DAAM2: variants seen among roughly 807,000 people sequenced by gnomAD.
The protein encoded by DAAM2 is dishevelled associated activator of morphogenesis 2.
In DAAM2, 39 loss-of-function variants were observed where a neutral mutation model predicts 120.7. The observed-to-expected ratio is 0.32, with a 90% confidence interval of 0.25 to 0.42. The LOEUF is 0.42. Ranked by LOEUF, DAAM2 falls within the 10% of genes least tolerant of loss-of-function variation. DAAM2 has a pLI of 1.00. For synonymous variants in DAAM2, 488 were observed against 524.9 expected, an observed-to-expected ratio of 0.93 and a Z score of 0.96; for missense variants, 1,283 against 1,401.7, an observed-to-expected ratio of 0.92 and a Z score of 1.35.
intron 1 of DAAM2, among the ~76,000 whole-genome samples, chr6:39,798,972 G>A (rs986570045): frequency 2.0e-5 from 3 of 152,098 alleles, no homozygotes; most frequent in African/African-American, 4.8e-5. Context: ...TAGAATCGAC[G>A]CCTGGAAGCC....
At chr6:39,818,778 T>C (rs371289804) in intron 1 of DAAM2, 10 of 152,220 alleles carry the variant, frequency 6.6e-5, no homozygotes, top group East Asian at 3.8e-4. Flanking sequence ...GGTTCCTTTT[T>C]CTTGCTTGGA....
In DAAM2 at chr6:39,904,605, G is replaced by C. The variant is rs1291765153; in HGVS notation, c.*2568G>C. On this transcript the variant is annotated 3_prime_UTR_variant, in exon 25 of 25. Transcript: ENST00000274867. ...AATAAAGTGTTTAGGGCAGTGGGAG[G>C]AGAAAATTCTCCAGGTGAATGGGGA... 8.8e-6 allele frequency: 4 copies of C among 454,166 alleles called. No individual in the cohort carries two copies. The East Asian group carries it at 2.8e-4, about 32-fold the overall frequency. 28.1% of individuals were successfully genotyped at this position (454,166 alleles called of 1,614,324 possible). A position where few individuals can be genotyped will look rare whatever the true frequency, so the allele number is the denominator to read the frequency against.
chr6:39,794,163 A>C (rs1000284060), intron 1 of DAAM2, among the ~76,000 whole-genome samples: 11 of 152,210 alleles, frequency 7.2e-5, no homozygotes, highest in Non-Finnish European at 1.2e-4. Context: ...ATCATCCCAT[A>C]GGCAATGTAA....
chr6:39,843,858 A>G (rs1763457937), intron 1 of DAAM2, among the ~76,000 whole-genome samples: 1 of 152,112 alleles, frequency 6.6e-6, no homozygotes, highest in African/African-American at 2.4e-5. Context: ...TGGGAAGTGC[A>G]CCATAGGAGG....
chr6:39,825,669 TG>T (rs1397539674), intron 1 of DAAM2, among the ~76,000 whole-genome samples: 2 of 152,024 alleles, frequency 1.3e-5, no homozygotes, highest in Non-Finnish European at 2.9e-5. Context: ...CAGGTGGGAA[TG>T]GGGGGAGTCA....
intron 14 of DAAM2, chr6:39,883,747 G>A (rs1010773926): frequency 8.6e-5 from 46 of 532,468 alleles, no homozygotes; most frequent in Non-Finnish European, 1.4e-4. Flanking sequence ...CCATGCACAA[G>A]GGAGGAAAAG....
intron 11 of DAAM2, among the ~76,000 whole-genome samples, chr6:39,875,810 C>G (rs562372304): frequency 4.8e-4 from 73 of 152,274 alleles, no homozygotes; most frequent in African/African-American, 1.5e-3. Context: ...GGCATGTTCT[C>G]AACTCTCCAC....
At chr6:39,871,611 G>A (rs1764666442) in intron 9 of DAAM2, 39 bp downstream of exon 9, 6 of 1,535,402 alleles carry the variant, frequency 3.9e-6, no homozygotes, top group African/African-American at 1.4e-5. Flanking sequence ...CAATGGGGTA[G>A]TAGGGTTCTT....
chr6:39,886,395 C>T (rs1206825350), intron 15 of DAAM2: 10 of 399,240 alleles, frequency 2.5e-5, no homozygotes, highest in Non-Finnish European at 4.4e-5. Context: ...ATGTTTAATT[C>T]TCTGTTGGCT....
chr6:39,841,487 C>T (rs1021054330), intron 1 of DAAM2, among the ~76,000 whole-genome samples: 2 of 152,008 alleles, frequency 1.3e-5, no homozygotes, highest in Non-Finnish European at 2.9e-5. Context: ...GTGGCTTCGG[C>T]TGAATCAGAG....
Position 39,875,420 on chromosome 6 carries a change from C to T in DAAM2, c.1253C>T (p.Pro418Leu). The T allele has an allele frequency of 6.2e-7, 1 of 1,613,976 alleles. No homozygotes were observed. Among genetic ancestry groups the T allele is most frequent in the Non-Finnish European group, 8.5e-7 (1 of 1,179,882 alleles). The change falls in exon 11 of 25, where the codon CCT (proline) becomes CTT (leucine). Residue 418 changes from proline to leucine, a missense_variant. By Grantham distance (98) the Pro-to-Leu change is moderately conservative (BLOSUM62 -3). Around this residue, in one of 3 missense-constraint regions of DAAM2, gnomAD observed 338 missense variants for 443.9 expected, o/e 0.76. Coordinates refer to ENST00000274867, the MANE Select transcript of DAAM2 (RefSeq NM_001201427.2). ...CTCCAGGATGAGCGGGGTGTGGACC[C>T]TGACCTGGCTCCCTTGGAGAACTTC... ...IVLQDERGVD[P>L]DLAPLENFNV...
At chr6:39,855,804 G>A (rs1052312468) in intron 1 of DAAM2, among the ~76,000 whole-genome samples, 1 of 152,180 alleles carries the variant, frequency 6.6e-6, no homozygotes, top group Non-Finnish European at 1.5e-5. Context: ...ATTGGTCCAT[G>A]CCTTTAAATC....
chr6:39,802,790 A>T (rs1761904895), intron 1 of DAAM2, among the ~76,000 whole-genome samples: 1 of 152,146 alleles, frequency 6.6e-6, no homozygotes, highest in Admixed American at 6.5e-5. Flanking sequence ...AAAATACACA[A>T]TTTTTGAGGA....
chr6:39,826,261 C>A (rs1035496876), intron 1 of DAAM2, among the ~76,000 whole-genome samples: 1 of 143,338 alleles, frequency 7.0e-6, no homozygotes, highest in African/African-American at 2.7e-5. Flanking sequence ...CAGTTAGTAG[C>A]AGATTTTTTT....
intron 16 of DAAM2, 187 bp downstream of exon 16, chr6:39,887,779 C>G (rs1765465997): frequency 1.8e-6 from 1 of 547,408 alleles, no homozygotes; most frequent in Admixed American, 3.1e-5. Context: ...GGAAACTGCC[C>G]AGTCACGAGG....
intron 1 of DAAM2, among the ~76,000 whole-genome samples, chr6:39,853,399 TG>T (rs768281399): frequency 2.0e-5 from 3 of 152,196 alleles, no homozygotes; most frequent in Non-Finnish European, 2.9e-5. Flanking sequence ...AGCAGCCCCC[TG>T]TATGCACGAG....
At chr6:39,841,824 T>C (rs530650204) in intron 1 of DAAM2, among the ~76,000 whole-genome samples, 7 of 152,284 alleles carry the variant, frequency 4.6e-5, no homozygotes, top group Non-Finnish European at 7.3e-5. Context: ...TCTCAGCTTC[T>C]GTAGCCTGAA....
chr6:39,848,137 C>T lies in DAAM2; in HGVS notation c.-56-8110C>T, dbSNP rs191089429. On this transcript the variant is annotated intron_variant, in intron 1 of 24. Transcript: ENST00000274867. ...GCTGACGCCCTCTCTTCTTCTGAGG[C>T]CCAGCTTCATTGACACTTCTTCTGG... 3.3e-3 allele frequency among the ~76,000 whole-genome samples: 495 copies of T among 151,830 alleles called. 1 individual carries two copies. Among genetic ancestry groups the T allele is most frequent in the African/African-American group, 0.01 (422 of 41,108 alleles).
intron 15 of DAAM2, chr6:39,885,898 C>G (rs1397647480): frequency 3.3e-5 from 5 of 152,376 alleles, no homozygotes; most frequent in African/African-American, 1.2e-4. Context: ...CTCTTCAGTT[C>G]CCCTTGCACA....
Sources: gnomAD v4.1 joint callset for allele counts (sites outside exome capture counted in the v4.1 genomes callset) on GRCh38, gnomAD v4.1.1 for gene constraint, gnomAD v4.1.1 regional missense constraint, MANE v1.5 for transcripts, NCBI Gene and HGNC (gene_info 2026-07-23, HGNC 2026-07-21) for gene names.